MAU2: variants seen among roughly 807,000 people sequenced by gnomAD.
MAU2 encodes MAU2 sister chromatid cohesion factor.
MAU2 carries 9 observed loss-of-function variants against 89.1 expected under a neutral mutation model. That is an observed-to-expected ratio of 0.10 (90% CI 0.06 to 0.18). The LOEUF is 0.18. Among genes scored for constraint, MAU2 ranks in the 10% least tolerant of loss-of-function variants. The pLI, the probability that MAU2 is intolerant of heterozygous loss-of-function variation, is 1.00. For synonymous variants in MAU2, 357 were observed against 343.4 expected (o/e 1.04, Z -0.44); for missense variants, 425 against 803.5 (o/e 0.53, Z 5.69).
intron 1 of MAU2, among the ~76,000 whole-genome samples, chr19:19,326,706 A>ATATATATATACGTATATATATATATG (rs1555792839): frequency 1.1e-5 from 1 of 87,004 alleles, no homozygotes; most frequent in East Asian, 3.9e-4. Flanking sequence ...ATATATGTAT[A>ATATATATATACGTATATATATATATG]TATATATATA....
At chr19:19,348,492 G>GC (rs1375684281) in intron 13 of MAU2, 3 of 365,212 alleles carry the variant, frequency 8.2e-6, no homozygotes, top group Non-Finnish European at 1.5e-5. Context: ...GTCAGATCAC[G>GC]CCCCCATCAG....
Position 19,355,345 on chromosome 19 carries a change from A to G in MAU2, c.1721A>G (p.Gln574Arg). 1.2e-6 allele frequency: 2 copies of G among 1,614,112 alleles called. No homozygotes were observed. Among genetic ancestry groups the G allele is most frequent in the Non-Finnish European group, 1.7e-6 (2 of 1,179,982 alleles). The change falls in exon 18 of 19, where the codon CAG becomes CGG. Residue 574 changes from glutamine (Q) to arginine (R), a missense_variant. Gln to Arg is a conservative substitution (Grantham distance 43). Coordinates refer to ENST00000262815, the MANE Select transcript of MAU2 (RefSeq NM_015329.4). Reference sequence around the variant, plus strand: ...CAGAACTTCTCGCAGCAGCTGCTCCAGGACCACATTGAGGCCTGCAGCCTC... The same window carrying G: ...CAGAACTTCTCGCAGCAGCTGCTCCGGGACCACATTGAGGCCTGCAGCCTC... ...MHQNFSQQLLQDHIEACSLPE... is the reference protein window; with the variant it reads ...MHQNFSQQLLRDHIEACSLPE...
At chr19:19,343,446 C>T (rs886630629) in intron 9 of MAU2, among the ~76,000 whole-genome samples, 1 of 152,186 alleles carries the variant, frequency 6.6e-6, no homozygotes, top group African/African-American at 2.4e-5. Flanking sequence ...TTGCTTGGGG[C>T]TGTTGGGAGG....
At chr19:19,327,501 A>G (rs1251633688) in intron 1 of MAU2, among the ~76,000 whole-genome samples, 1 of 151,572 alleles carries the variant, frequency 6.6e-6, no homozygotes, top group Non-Finnish European at 1.5e-5. Context: ...AATTTTTTAT[A>G]TTTTTAGTAG....
At chr19:19,354,555 CCG>C in intron 17 of MAU2, 110 bp downstream of exon 17, 1 of 931,648 alleles carries the variant, frequency 1.1e-6, no homozygotes. Context: ...CCTCCGTGGG[CCG>C]CAGCCCCAGT....
At chr19:19,327,336 T>TTTAG (rs2146656644) in intron 1 of MAU2, among the ~76,000 whole-genome samples, 1 of 112,234 alleles carries the variant, frequency 8.9e-6, no homozygotes, top group South Asian at 2.9e-4. Flanking sequence ...TATTTATTTA[T>TTTAG]TTATTTTGAG....
At chr19:19,336,645 C>T (rs1013659270) in intron 3 of MAU2, among the ~76,000 whole-genome samples, 11 of 152,194 alleles carry the variant, frequency 7.2e-5, no homozygotes, top group African/African-American at 2.4e-4. Context: ...TGGGTAGCCA[C>T]CTGCTAAGGA....
At chr19:19,343,784 G>C (rs541742700) in intron 9 of MAU2, 53 bp from the exon 10 acceptor site, 1 of 1,375,558 alleles carries the variant, frequency 7.3e-7, no homozygotes, top group Non-Finnish European at 1.0e-6. Flanking sequence ...TGGGCTGGGG[G>C]TGGCGCCTCC....
At chr19:19,323,138 C>T (rs1167946630) in intron 1 of MAU2, among the ~76,000 whole-genome samples, 2 of 152,004 alleles carry the variant, frequency 1.3e-5, no homozygotes, top group African/African-American at 4.8e-5. Context: ...CCACTCCCCT[C>T]GGCCTCCCAA....
intron 5 of MAU2, chr19:19,339,831 C>G (rs1478090491): frequency 6.6e-6 from 1 of 151,790 alleles, no homozygotes; most frequent in East Asian, 2.0e-4. Flanking sequence ...TGAGACCAGC[C>G]TGGCCAACAT....
chr19:19,335,674 A>G (rs1367541860), intron 1 of MAU2, 44 bp from the exon 2 acceptor site: 2 of 1,609,940 alleles, frequency 1.2e-6, no homozygotes, highest in East Asian at 2.2e-5. Flanking sequence ...ACCAGGTGCC[A>G]GGTGTTTGCC....
chr19:19,341,160 C>T, intron 6 of MAU2, 92 bp from the exon 7 acceptor site: 7 of 1,457,264 alleles, frequency 4.8e-6, no homozygotes, highest in Non-Finnish European at 6.5e-6. Context: ...TGGCAGCAGT[C>T]CCAGGGCAGG....
intron 16 of MAU2, among the ~76,000 whole-genome samples, chr19:19,350,709 G>C (rs1599925592): frequency 6.6e-6 from 1 of 151,788 alleles, no homozygotes; most frequent in Non-Finnish European, 1.5e-5. Flanking sequence ...GACCATCCTG[G>C]CTAACACGGT....
intron 1 of MAU2, among the ~76,000 whole-genome samples, chr19:19,326,503 G>A (rs1406917758): frequency 6.6e-6 from 1 of 151,300 alleles, no homozygotes; most frequent in Non-Finnish European, 1.5e-5. Flanking sequence ...TGGCTAACAA[G>A]GTGAAACCCT....
intron 10 of MAU2, chr19:19,344,361 G>A (rs557686421): frequency 2.8e-4 from 66 of 235,004 alleles, no homozygotes; most frequent in African/African-American, 1.1e-3. Flanking sequence ...GCAGTGAGCC[G>A]AGATCGCACT....
rs1422537480 is a variant in MAU2, at chr19:19,345,561, A to G, written c.1221+192A>G. Among the ~76,000 whole-genome samples, 3 of 152,216 alleles carry G rather than the reference A, an allele frequency of 2.0e-5. No individual in the cohort carries two copies. Among genetic ancestry groups the G allele is most frequent in the African/African-American group, 7.2e-5 (3 of 41,450 alleles). On this transcript the variant is annotated intron_variant, in intron 12 of 18. Coordinates refer to ENST00000262815, the MANE Select transcript of MAU2 (RefSeq NM_015329.4). This position sits in a 1 kb window ranked among gnomAD's most constrained non-coding sequence, Gnocchi z 4.9. ...CTGTTTATCTGGATAAGGGACAGCT[A>G]TGGGGCCAGGGGCTTCCTGAGCTGA...
At chr19:19,337,365 G>C (rs2146678290) in intron 4 of MAU2, 100 bp downstream of exon 4, 1 of 908,762 alleles carries the variant, frequency 1.1e-6, no homozygotes, top group East Asian at 2.6e-5. Context: ...ACGATGCGCA[G>C]ACCCCCTCGG....
At chr19:19,340,620 CAG>C (rs990901376) in intron 5 of MAU2, among the ~76,000 whole-genome samples, 9 of 152,150 alleles carry the variant, frequency 5.9e-5, no homozygotes, top group East Asian at 1.9e-4. Flanking sequence ...GCCTGGGCGA[CAG>C]AGCGAGACTC....
At chr19:19,326,054 G>A (rs1192931647) in intron 1 of MAU2, among the ~76,000 whole-genome samples, 1 of 144,998 alleles carries the variant, frequency 6.9e-6, no homozygotes, top group Non-Finnish European at 1.5e-5. Flanking sequence ...AGGCTGGAGT[G>A]CAATGGCGCA....
Sources: gnomAD v4.1 joint callset for allele counts (sites outside exome capture counted in the v4.1 genomes callset) on GRCh38, gnomAD v4.1.1 for gene constraint, Gnocchi (gnomAD v3.1) non-coding constraint, MANE v1.5 for transcripts, NCBI Gene and HGNC (gene_info 2026-07-23, HGNC 2026-07-21) for gene names.